Variants in ZNF12 observed in about 807,000 individuals in gnomAD.
ZNF12 encodes zinc finger protein 12.
A neutral mutation model predicts 66.6 loss-of-function variants in ZNF12; 34 were observed. The ratio of observed to expected loss-of-function variants is 0.51; its 90% CI spans 0.39 to 0.68. The LOEUF (loss-of-function observed/expected upper bound fraction) is 0.68. Among genes scored for constraint, ZNF12 ranks in the 30% least tolerant of loss-of-function variants. The pLI is 0.00. For synonymous variants in ZNF12, 320 were observed against 278.9 expected (o/e 1.15, Z -1.47); for missense variants, 697 against 826.9 (o/e 0.84, Z 1.93).
chr7:6,697,206 G>T lies in ZNF12; in HGVS notation c.238+133C>A. On this transcript the variant is annotated intron_variant, in intron 4 of 4. Transcript: ENST00000405858. The surrounding 1 kb of genome is among the most constrained non-coding windows in gnomAD (Gnocchi z 6.1). ...TCTTACGGGGAAGGAAGAAGTCTTT[G>T]GGAGTGAGATTCAGGTTCATAGAGC... The T allele has an allele frequency of 1.7e-6, 1 of 592,806 alleles. No homozygotes were observed. The highest frequency in any genetic ancestry group is 2.8e-6 in the Non-Finnish European group (1 of 352,172). 36.7% of individuals were successfully genotyped at this position (592,806 alleles called of 1,614,324 possible).
At position 6,705,486 on chromosome 7, in the gene ZNF12, C is replaced by T. The variant is rs2095114210; in HGVS notation, c.-50-263G>A. Among the ~76,000 whole-genome samples, 1 of 152,210 alleles carries T rather than the reference C, an allele frequency of 6.6e-6. No homozygotes were observed. The highest frequency in any genetic ancestry group is 1.5e-5 in the Non-Finnish European group (1 of 68,046). On this transcript the variant is annotated intron_variant, in intron 1 of 4. Transcript: ENST00000405858. This position sits in a 1 kb window ranked among gnomAD's most constrained non-coding sequence, Gnocchi z 4.0. ...GGATCCTACTGAAATAATCTGCCAT[C>T]ATTAAATGCAAGATTTAAAAAGGAA...
At chr7:6,704,492 G>A (rs1562603177) in intron 2 of ZNF12, among the ~76,000 whole-genome samples, 6 of 149,962 alleles carry the variant, frequency 4.0e-5, no homozygotes, top group Admixed American at 4.0e-4. Flanking sequence ...ACTTTGGGAG[G>A]CCGAGGCGGG....
chr7:6,691,980 C>T lies in ZNF12; in HGVS notation c.962G>A (p.Gly321Glu). The T allele has an allele frequency of 6.2e-7, 1 of 1,613,964 alleles. No individual in the cohort carries two copies. The highest frequency in any genetic ancestry group is 8.5e-7 in the Non-Finnish European group (1 of 1,179,984). ...TLTVHQRTHT[G>E]EKPYECNECG... ...TTCATTACATTCATAGGGCTTCTCC[C>T]CTGTGTGTGTTCTCTGATGCACAGT... The change falls in exon 5 of 5, where the codon GGG (glycine) becomes GAG (glutamate). Residue 321 changes from glycine to glutamate, a missense_variant. Physicochemically the swap from Gly to Glu is moderately conservative, Grantham distance 98. Coordinates refer to ENST00000405858, the MANE Select transcript of ZNF12 (RefSeq NM_016265.4).
At chr7:6,701,752 C>A (rs1185599580) in intron 2 of ZNF12, among the ~76,000 whole-genome samples, 1 of 152,058 alleles carries the variant, frequency 6.6e-6, no homozygotes, top group African/African-American at 2.4e-5. Flanking sequence ...CAACTGTTTG[C>A]ATCTCTGTCC....
At chr7:6,694,045 T>G (rs1484083908) in intron 4 of ZNF12, among the ~76,000 whole-genome samples, 2 of 151,900 alleles carry the variant, frequency 1.3e-5, no homozygotes, top group African/African-American at 4.8e-5. Context: ...TGGGCACCTG[T>G]GATCCCAACT....
intron 4 of ZNF12, among the ~76,000 whole-genome samples, chr7:6,694,615 C>G (rs1780126823): frequency 1.3e-5 from 2 of 152,172 alleles, no homozygotes; most frequent in Non-Finnish European, 2.9e-5. Context: ...TGATCTATCT[C>G]TTATCCTTGC....
At chr7:6,703,912 C>A (rs992474816) in intron 2 of ZNF12, among the ~76,000 whole-genome samples, 12 of 152,208 alleles carry the variant, frequency 7.9e-5, no homozygotes, top group African/African-American at 2.9e-4. Flanking sequence ...CCTTTTCCAA[C>A]AAGGTCAGGG....
At position 6,706,449 on chromosome 7, in the gene ZNF12, G is replaced by T; in HGVS notation, c.-68C>A. On this transcript the variant is annotated 5_prime_UTR_variant, in exon 1 of 5. It adds an upstream start codon to the 5' untranslated region. Transcript: ENST00000405858. ...CGACTTACCCTCCTGGGGCTCCGCA[G>T]CCTCTGCCCCACCGCTCCCGACAGG... 1 of 478,560 alleles carries T rather than the reference G, an allele frequency of 2.1e-6. No homozygotes were observed. Among genetic ancestry groups the T allele is most frequent in the East Asian group, 6.4e-5 (1 of 15,664 alleles). 29.6% of individuals were successfully genotyped at this position (478,560 alleles called of 1,614,324 possible).
At chr7:6,702,138 T>C (rs986386710) in intron 2 of ZNF12, among the ~76,000 whole-genome samples, 3 of 152,088 alleles carry the variant, frequency 2.0e-5, no homozygotes, top group Non-Finnish European at 4.4e-5. Flanking sequence ...CTTAACAGCA[T>C]TTGACACAGT....
At position 6,691,938 on chromosome 7, in the gene ZNF12, T is replaced by G; in HGVS notation, c.1004A>C (p.Tyr335Ser). The change falls in exon 5 of 5, where the codon TAC becomes TCC. Residue 335 changes from tyrosine to serine, a missense_variant. Transcript: ENST00000405858. The part of the protein sequence containing the change: ...YECNECGKNF[Y>S]QKLHLIQHQR... ...ATGCTGAATGAGGTGTAACTTCTGGTAAAAGTTCTTCCCACATTCATTACA... is the reference window on the plus strand; with the variant it reads ...ATGCTGAATGAGGTGTAACTTCTGGGAAAAGTTCTTCCCACATTCATTACA... 2.5e-6 allele frequency: 4 copies of G among 1,614,026 alleles called. No homozygotes were observed. The highest frequency in any genetic ancestry group is 2.5e-6 in the Non-Finnish European group (3 of 1,179,968).
Position 6,705,259 on chromosome 7 carries a change from C to A in ZNF12, c.-50-36G>T. 6.4e-7 allele frequency: 1 copy of A among 1,560,478 alleles called. No homozygotes were observed. The highest frequency in any genetic ancestry group is 8.8e-7 in the Non-Finnish European group (1 of 1,138,216). Reference sequence around the variant, plus strand: ...AAAACCCAAGCCATGGCGTTATGAGCGGTCTGGCCTGCCAAGGCGGTCATC... The same window carrying A: ...AAAACCCAAGCCATGGCGTTATGAGAGGTCTGGCCTGCCAAGGCGGTCATC... On this transcript the variant is annotated intron_variant, in intron 1 of 4. Coordinates refer to ENST00000405858, the MANE Select transcript of ZNF12 (RefSeq NM_016265.4). This position sits in a 1 kb window ranked among gnomAD's most constrained non-coding sequence, Gnocchi z 4.0.
chr7:6,692,403 A>G lies in ZNF12; in HGVS notation c.539T>C (p.Leu180Pro). 1 of 1,613,042 alleles carries G rather than the reference A, an allele frequency of 6.2e-7. No homozygotes were observed. Among genetic ancestry groups the G allele is most frequent in the Non-Finnish European group, 8.5e-7 (1 of 1,179,438 alleles). ...GCGKSLLHIK[L>P]EKTHPGDQAY... ...TTGATCTCCTGGATGAGTTTTCTCA[A>G]GCTTAATATGGAGGAGTGATTTCCC... is the stretch of plus-strand genomic sequence containing the variant. The change falls in exon 5 of 5, where the codon CTT becomes CCT. Residue 180 changes from leucine to proline, a missense_variant. Physicochemically the swap from Leu to Pro is moderately conservative, Grantham distance 98 (BLOSUM62 -3). Transcript: ENST00000405858. This position sits in a 1 kb window ranked among gnomAD's most constrained non-coding sequence, Gnocchi z 5.1.
intron 2 of ZNF12, among the ~76,000 whole-genome samples, chr7:6,700,290 A>G (rs981868214): frequency 5.6e-5 from 5 of 89,630 alleles, no homozygotes; most frequent in Non-Finnish European, 8.7e-5. Context: ...GTCTGAGAGG[A>G]AAAAAAAAAA....
At position 6,692,318 on chromosome 7, in the gene ZNF12, C is replaced by T; in HGVS notation, c.624G>A (p.Gln208=). Residue 208 remains glutamine (Q), a synonymous_variant, in exon 5 of 5, where the codon CAG becomes CAA. Coordinates refer to ENST00000405858, the MANE Select transcript of ZNF12 (RefSeq NM_016265.4). The surrounding 1 kb of genome is among the most constrained non-coding windows in gnomAD (Gnocchi z 5.1). ...PYTLNEESLY[Q]KIRILEKPFE... is the part of the protein sequence containing the mutation. Reference sequence around the variant, plus strand: ...AAGGTTTCTCCAAAATACGAATTTTCTGATAAAGACTTTCTTCATTTAGAG... The same window carrying T: ...AAGGTTTCTCCAAAATACGAATTTTTTGATAAAGACTTTCTTCATTTAGAG... 6.2e-7 allele frequency: 1 copy of T among 1,609,354 alleles called. No homozygotes were observed. The highest frequency in any genetic ancestry group is 2.2e-5 in the East Asian group (1 of 44,834).
At chr7:6,706,338 C>G (rs1346196900) in intron 1 of ZNF12, 94 bp downstream of exon 1, 4 of 450,718 alleles carry the variant, frequency 8.9e-6, no homozygotes, top group African/African-American at 6.0e-5. Context: ...TGCAAGCGAT[C>G]GAGACCTTCC....
rs1029448737 is a variant in ZNF12 at position 6,698,966 on chromosome 7, C to T, written c.16-1155G>A. 9.9e-5 allele frequency among the ~76,000 whole-genome samples: 15 copies of T among 152,180 alleles called. No individual in the cohort carries two copies. The highest frequency in any genetic ancestry group is 1.9e-4 in the Non-Finnish European group (13 of 68,036). On this transcript the variant is annotated intron_variant, in intron 2 of 4. Coordinates refer to ENST00000405858, the MANE Select transcript of ZNF12 (RefSeq NM_016265.4). This position sits in a 1 kb window ranked among gnomAD's most constrained non-coding sequence, Gnocchi z 4.4. Reference sequence around the variant, plus strand: ...ACTTAGCATAGTTTTTTGGATAAAACACATATTTATCAATGAAATCTACTG... The same window carrying T: ...ACTTAGCATAGTTTTTTGGATAAAATACATATTTATCAATGAAATCTACTG...
chr7:6,692,444 A>T lies in ZNF12; in HGVS notation c.498T>A (p.Asp166Glu), dbSNP rs1472846630. Residue 166 changes from aspartate (D) to glutamate (E), a missense_variant, in exon 5 of 5, where the codon GAT becomes GAA. Coordinates refer to ENST00000405858, the MANE Select transcript of ZNF12 (RefSeq NM_016265.4). The surrounding 1 kb of genome is among the most constrained non-coding windows in gnomAD (Gnocchi z 5.1). ...GTGATTTCCCACATCCACTACATTC[A>T]TCAGCTTTCATTCTTGCATAGCTTC... Reference protein sequence around the residue: ...SDGSYARMKADECSGCGKSLL... With the variant: ...SDGSYARMKAEECSGCGKSLL... 2 of 1,613,036 alleles carry T rather than the reference A, an allele frequency of 1.2e-6. No individual in the cohort carries two copies. Among genetic ancestry groups the T allele is most frequent in the Non-Finnish European group, 1.7e-6 (2 of 1,179,448 alleles).
intron 2 of ZNF12, among the ~76,000 whole-genome samples, chr7:6,701,758 T>C (rs889999210): frequency 2.6e-5 from 4 of 152,132 alleles, no homozygotes; most frequent in African/African-American, 7.2e-5. Context: ...TTTGCATCTC[T>C]GTCCCCTCTG....
At position 6,699,490 on chromosome 7, in the gene ZNF12, A is replaced by C. The variant is rs1780201615; in HGVS notation, c.16-1679T>G. On this transcript the variant is annotated intron_variant, in intron 2 of 4. Transcript: ENST00000405858. ...GAAAGAAGTGGGTCCCACCCCAGCC[A>C]GATGAATCCAGGTGCAGGACTGCCC... Among the ~76,000 whole-genome samples, 7 of 152,354 alleles carry C rather than the reference A, an allele frequency of 4.6e-5. 1 individual carries two copies. The South Asian group carries it at 1.2e-3, about 27-fold the overall frequency.
Sources: allele counts gnomAD v4.1 joint callset (sites outside exome capture counted in the v4.1 genomes callset), GRCh38; gene constraint gnomAD v4.1.1; non-coding constraint Gnocchi (gnomAD v3.1); transcripts MANE v1.5; gene names NCBI Gene and HGNC (gene_info 2026-07-23, HGNC 2026-07-21).